ASPRV1: variants seen among roughly 807,000 people sequenced by gnomAD.
The protein encoded by ASPRV1 is aspartic peptidase retroviral like 1, also known as retroviral-like aspartic protease 1.
In ASPRV1, 7 loss-of-function variants were observed where a neutral mutation model predicts 11.0. That is an observed-to-expected ratio of 0.64 (90% confidence interval 0.36 to 1.20). ASPRV1 has a LOEUF of 1.20. Among genes scored for constraint, ASPRV1 ranks in the 50% most tolerant of loss-of-function variants. The pLI is 0.02. For synonymous variants in ASPRV1, 136 were observed against 138.4 expected (o/e 0.98, Z 0.12); for missense variants, 299 against 320.0 (o/e 0.93, Z 0.50).
chr2:69,991,837 C>T, the ASPRV1 span, among the ~76,000 whole-genome samples: 1 of 152,106 alleles, frequency 6.6e-6, no homozygotes, highest in Non-Finnish European at 1.5e-5. Context: ...TGAGCCACTG[C>T]GGGGCTTTAT....
chr2:70,064,639 G>A, the ASPRV1 span, among the ~76,000 whole-genome samples: 1 of 152,190 alleles, frequency 6.6e-6, no homozygotes, highest in Admixed American at 6.5e-5. Flanking sequence ...GTCATGAGCT[G>A]GAGGATGGGA....
the ASPRV1 span, among the ~76,000 whole-genome samples, chr2:70,000,378 G>A: frequency 6.9e-6 from 1 of 145,114 alleles, no homozygotes; most frequent in East Asian, 2.0e-4. Context: ...TGACAGACAA[G>A]GAGTTAATAG....
chr2:70,055,464 G>C, the ASPRV1 span, among the ~76,000 whole-genome samples: 1 of 152,158 alleles, frequency 6.6e-6, no homozygotes, highest in Non-Finnish European at 1.5e-5. Context: ...AAAAAGCAAT[G>C]AGATCATATC....
chr2:70,023,124 T>C, the ASPRV1 span, among the ~76,000 whole-genome samples: 1 of 152,166 alleles, frequency 6.6e-6, no homozygotes, highest in Non-Finnish European at 1.5e-5. Flanking sequence ...TAATTTTCCT[T>C]TAAGGGCAGG....
At chr2:69,932,964 T>C in the ASPRV1 span, among the ~76,000 whole-genome samples, 7 of 152,162 alleles carry the variant, frequency 4.6e-5, no homozygotes, top group Non-Finnish European at 8.8e-5. Context: ...TTTGGGAGGC[T>C]GAGGCAGGCA....
At chr2:70,009,830 C>G in the ASPRV1 span, among the ~76,000 whole-genome samples, 1 of 152,134 alleles carries the variant, frequency 6.6e-6, no homozygotes, top group Admixed American at 6.6e-5. Flanking sequence ...GAGACAGTTG[C>G]GTTCAACAGC....
the ASPRV1 span, among the ~76,000 whole-genome samples, chr2:69,987,256 C>T: frequency 3.3e-5 from 5 of 152,028 alleles, no homozygotes; most frequent in African/African-American, 7.2e-5. Context: ...ACAGAAGCCG[C>T]GATGTTCCCC....
chr2:70,005,346 C>T, the ASPRV1 span, among the ~76,000 whole-genome samples: 6 of 152,142 alleles, frequency 3.9e-5, no homozygotes, highest in Non-Finnish European at 8.8e-5. Context: ...AGGAGTGAGC[C>T]ACCATGTGCA....
At chr2:70,073,616 G>C in the ASPRV1 span, among the ~76,000 whole-genome samples, 13 of 152,148 alleles carry the variant, frequency 8.5e-5, no homozygotes, top group African/African-American at 3.1e-4. Context: ...GAAAGAAAAA[G>C]GAAAGGTGGA....
the ASPRV1 span, among the ~76,000 whole-genome samples, chr2:69,952,147 A>G: frequency 6.6e-6 from 1 of 152,168 alleles, no homozygotes; most frequent in Non-Finnish European, 1.5e-5. Context: ...TTTACACAAC[A>G]CTGGGCAAAT....
At chr2:70,069,490 C>G in the ASPRV1 span, 1 of 152,176 alleles carries the variant, frequency 6.6e-6, no homozygotes, top group South Asian at 2.1e-4. Context: ...TTATCCAACT[C>G]CTGACTACTA....
chr2:69,998,728 CAAAA>C, the ASPRV1 span, among the ~76,000 whole-genome samples: 3 of 102,144 alleles, frequency 2.9e-5, no homozygotes, highest in Non-Finnish European at 4.8e-5. Context: ...GACTCCGTCT[CAAAA>C]AAAAAAAAAA....
the ASPRV1 span, chr2:70,015,400 T>C: frequency 6.6e-6 from 1 of 152,184 alleles, no homozygotes; most frequent in Non-Finnish European, 1.5e-5. Flanking sequence ...GGTCCACTTA[T>C]ATGCAGATTT....
the ASPRV1 span, among the ~76,000 whole-genome samples, chr2:70,019,572 C>CT: frequency 6.6e-6 from 1 of 152,126 alleles, no homozygotes; most frequent in Non-Finnish European, 1.5e-5. Context: ...AATGGAGTAC[C>CT]ATTCATCCTT....
downstream of ASPRV1, among the ~76,000 whole-genome samples, chr2:69,959,598 G>A (rs907085094): frequency 4.6e-5 from 7 of 152,028 alleles, no homozygotes; most frequent in East Asian, 1.9e-4. Context: ...TCCCACCGCC[G>A]GGACCCTGCC....
the ASPRV1 span, chr2:69,940,744 G>A: frequency 6.6e-6 from 1 of 152,608 alleles, no homozygotes; most frequent in African/African-American, 2.4e-5. Context: ...CTGGCAGCAG[G>A]GTTAGACATT....
chr2:69,945,888 G>A, the ASPRV1 span, among the ~76,000 whole-genome samples: 1 of 152,194 alleles, frequency 6.6e-6, no homozygotes, highest in Admixed American at 6.5e-5. Flanking sequence ...CCTGGGGGCA[G>A]AGGTGAGGAA....
chr2:69,945,816 G>C, the ASPRV1 span, among the ~76,000 whole-genome samples: 16 of 152,248 alleles, frequency 1.1e-4, no homozygotes, highest in African/African-American at 3.9e-4. Flanking sequence ...ATTGGAGCTA[G>C]AGAGGCCCAC....
the ASPRV1 span, among the ~76,000 whole-genome samples, chr2:70,057,986 C>T: frequency 6.6e-6 from 1 of 151,520 alleles, no homozygotes; most frequent in East Asian, 2.0e-4. Flanking sequence ...GTACAGACAG[C>T]GTTTCACCAT....
Sources: gnomAD v4.1 joint callset for allele counts (sites outside exome capture counted in the v4.1 genomes callset) on GRCh38, gnomAD v4.1.1 for gene constraint, MANE v1.5 for transcripts, NCBI Gene and HGNC (gene_info 2026-07-23, HGNC 2026-07-21) for gene names.